The following GPR137C variants were observed in gnomAD, a reference collection of about 807,000 sequenced individuals.
GPR137C encodes integral membrane protein GPR137C.
GPR137C carries 27 observed loss-of-function variants against 43.4 expected under a neutral mutation model. The ratio of observed to expected loss-of-function variants is 0.62; its 90% confidence interval spans 0.46 to 0.86. GPR137C has a LOEUF of 0.86. Ranked by LOEUF, GPR137C falls within the 40% of genes least tolerant of loss-of-function variation. The probability of loss-of-function intolerance (pLI) is 0.00; values close to 1 mark genes in which losing one functional copy is unlikely to be tolerated. For synonymous variants in GPR137C, 285 were observed against 226.9 expected (o/e 1.26, Z -2.30); for missense variants, 522 against 534.6 (o/e 0.98, Z 0.23).
intron 1 of GPR137C, among the ~76,000 whole-genome samples, chr14:52,597,762 G>T (rs983131290): frequency 3.3e-5 from 5 of 152,220 alleles, no homozygotes; most frequent in African/African-American, 9.6e-5. Context: ...CTTTTGTAAG[G>T]CTTTATAAAA....
chr14:52,588,292 A>C (rs1348286051), intron 1 of GPR137C, among the ~76,000 whole-genome samples: 1 of 151,900 alleles, frequency 6.6e-6, no homozygotes, highest in Non-Finnish European at 1.5e-5. Flanking sequence ...CTACAGGTGC[A>C]TGCCACCACT....
intron 6 of GPR137C, 115 bp from the exon 7 acceptor site, chr14:52,634,823 A>G (rs933196184): frequency 6.3e-6 from 5 of 797,222 alleles, no homozygotes; most frequent in East Asian, 5.8e-5. Context: ...ACATATTTCA[A>G]TGTATTTGAG....
At chr14:52,568,622 G>A (rs931349324) in intron 1 of GPR137C, among the ~76,000 whole-genome samples, 3 of 152,272 alleles carry the variant, frequency 2.0e-5, no homozygotes, top group East Asian at 1.9e-4. Context: ...GGGGGCATCC[G>A]CAATTACTGT....
rs531582064 is a variant in GPR137C at position 52,625,481 on chromosome 14, C to CA, written c.718-6665dup. Among the ~76,000 whole-genome samples the CA allele has an allele frequency of 8.2e-3, 367 of 44,750 alleles. 4 individuals are homozygous for CA. The highest frequency in any genetic ancestry group is 0.042 in the Admixed American group (170 of 4,030). 29.4% of individuals were successfully genotyped at this position (44,750 alleles called of 152,430 possible). On this transcript the variant is annotated intron_variant, in intron 3 of 6. Coordinates refer to ENST00000321662, the MANE Select transcript of GPR137C (RefSeq NM_001099652.2). ...TGGGTGACAGAGTGAGACTCCATCC[C>CA]AAAAAAAAAAAAAAGAAAAAGAAAA...
chr14:52,557,288 T>G (rs970715900), intron 1 of GPR137C, among the ~76,000 whole-genome samples: 4 of 152,214 alleles, frequency 2.6e-5, no homozygotes, highest in Admixed American at 2.6e-4. Context: ...GGGTTAACTT[T>G]ATTTTGATGA....
intron 1 of GPR137C, among the ~76,000 whole-genome samples, chr14:52,593,182 G>C (rs1034177349): frequency 1.3e-5 from 2 of 152,234 alleles, no homozygotes; most frequent in African/African-American, 2.4e-5. Context: ...GGATGAAGCC[G>C]AGTTGATTGT....
chr14:52,596,607 G>C (rs2038859536), intron 1 of GPR137C, among the ~76,000 whole-genome samples: 2 of 152,228 alleles, frequency 1.3e-5, no homozygotes, highest in Admixed American at 1.3e-4. Flanking sequence ...GCAAGGCTCT[G>C]TGGGCGTGGG....
At chr14:52,618,393 G>A (rs1233485444) in intron 3 of GPR137C, among the ~76,000 whole-genome samples, 1 of 152,024 alleles carries the variant, frequency 6.6e-6, no homozygotes, top group Non-Finnish European at 1.5e-5. Context: ...TTTGTCTATT[G>A]CTAACATTTT....
In GPR137C at chr14:52,558,896, A is replaced by G. The variant is rs117154320; in HGVS notation, c.444+5305A>G. On this transcript the variant is annotated intron_variant, in intron 1 of 6. Coordinates refer to ENST00000321662, the MANE Select transcript of GPR137C (RefSeq NM_001099652.2). The stretch of plus-strand genomic sequence containing the variant: ...CCCAGAGAAATAAAAGATGGAAGAT[A>G]CAACCAATGGGTGAAGAGAGAATGA... 1.4e-3 allele frequency among the ~76,000 whole-genome samples: 220 copies of G among 152,344 alleles called. 3 individuals are homozygous for G. Among genetic ancestry groups the G allele is most frequent in the Admixed American group, 0.012 (181 of 15,304 alleles).
chr14:52,608,257 G>A (rs1477244589), intron 3 of GPR137C, among the ~76,000 whole-genome samples: 1 of 151,902 alleles, frequency 6.6e-6, no homozygotes, highest in Non-Finnish European at 1.5e-5. Context: ...TATTTTTAGT[G>A]TATCTGTTAT....
chr14:52,621,834 GTATAT>G (rs1485033271), intron 3 of GPR137C, among the ~76,000 whole-genome samples: 4 of 151,246 alleles, frequency 2.6e-5, no homozygotes, highest in African/African-American at 4.8e-5. Context: ...TTTTGTTTGT[GTATAT>G]TATATCTATT....
intron 1 of GPR137C, among the ~76,000 whole-genome samples, chr14:52,570,330 A>G (rs553739292): frequency 6.6e-6 from 1 of 152,328 alleles, no homozygotes; most frequent in African/African-American, 2.4e-5. Flanking sequence ...CTGCCTTACA[A>G]GAGCTTCTGA....
At chr14:52,596,800 C>G (rs1184807565) in intron 1 of GPR137C, 1 of 399,388 alleles carries the variant, frequency 2.5e-6, no homozygotes. Context: ...ACACCCTGCC[C>G]TGCTTCAGCT....
In GPR137C at chr14:52,584,617, G is replaced by T. The variant is rs535246029; in HGVS notation, c.445-13655G>T. On this transcript the variant is annotated intron_variant, in intron 1 of 6. Coordinates refer to ENST00000321662, the MANE Select transcript of GPR137C (RefSeq NM_001099652.2). ...GATTTGGCATAAGTGACTCCACTTT[G>T]ATTCTGACAACTTTCACAGGATCTC... 1.3e-4 allele frequency among the ~76,000 whole-genome samples: 20 copies of T among 152,244 alleles called. 1 individual carries two copies. The South Asian group carries it at 4.1e-3, about 32-fold the overall frequency.
At chr14:52,578,610 G>T (rs928273587) in intron 1 of GPR137C, among the ~76,000 whole-genome samples, 2 of 151,890 alleles carry the variant, frequency 1.3e-5, no homozygotes, top group South Asian at 4.2e-4. Flanking sequence ...AGACTTTTGA[G>T]CTATCTGGTT....
chr14:52,602,324 CCTCT>C (rs139916630), intron 3 of GPR137C, among the ~76,000 whole-genome samples: 2 of 147,432 alleles, frequency 1.4e-5, no homozygotes, highest in South Asian at 2.2e-4. Context: ...TGTTTCTGTC[CCTCT>C]CTCTCTCTCT....
intron 1 of GPR137C, among the ~76,000 whole-genome samples, chr14:52,579,322 G>A (rs1342641878): frequency 6.6e-6 from 1 of 152,154 alleles, no homozygotes; most frequent in Non-Finnish European, 1.5e-5. Flanking sequence ...TAAATACCCA[G>A]ATATCTGCCA....
At chr14:52,624,702 C>T (rs1369537995) in intron 3 of GPR137C, among the ~76,000 whole-genome samples, 1 of 135,542 alleles carries the variant, frequency 7.4e-6, no homozygotes, top group Admixed American at 7.9e-5. Context: ...CCATCCAACG[C>T]AACAGAGCCA....
intron 1 of GPR137C, among the ~76,000 whole-genome samples, chr14:52,597,424 C>T (rs1398230851): frequency 6.6e-6 from 1 of 152,186 alleles, no homozygotes; most frequent in Non-Finnish European, 1.5e-5. Context: ...TGTACCTTCA[C>T]TATTTTTCTT....
Sources: gnomAD v4.1 joint callset for allele counts (sites outside exome capture counted in the v4.1 genomes callset) on GRCh38, gnomAD v4.1.1 for gene constraint, MANE v1.5 for transcripts, NCBI Gene and HGNC (gene_info 2026-07-23, HGNC 2026-07-21) for gene names.